Variants in SLIT3 observed in about 807,000 individuals in gnomAD.
The protein encoded by SLIT3 is slit homolog 3 protein.
A neutral mutation model predicts 184.0 loss-of-function variants in SLIT3; 68 were observed. The ratio of observed to expected loss-of-function variants is 0.37; its 90% CI spans 0.30 to 0.45. The LOEUF (loss-of-function observed/expected upper bound fraction) is 0.45, where lower values mean the gene tolerates loss of function less well. SLIT3 is among the 20% of genes least tolerant of loss of function. The pLI is 1.00. For synonymous variants in SLIT3, 831 were observed against 828.6 expected (o/e 1.00, Z -0.05); for missense variants, 1,707 against 2,026.0 (o/e 0.84, Z 3.02).
At chr5:169,154,844 TA>T (rs1762246224) in intron 4 of SLIT3, among the ~76,000 whole-genome samples, 1 of 152,156 alleles carries the variant, frequency 6.6e-6, no homozygotes, top group Admixed American at 6.5e-5. Flanking sequence ...TCAAAGAAAA[TA>T]AGCATGATCA....
rs1761307691 is a variant in SLIT3 at position 168,673,248 on chromosome 5, C to T, written c.3770G>A (p.Gly1257Glu). 6.2e-7 allele frequency: 1 copy of T among 1,614,054 alleles called. No individual in the cohort carries two copies. ...NQTLNLVVDKGTPKSLGKLQK... is the reference protein window; with the variant it reads ...NQTLNLVVDKETPKSLGKLQK... ...GAGCTTCCCCAGGCTCTTTGGAGTT[C>T]CTTTGTCCACTACTAGGTTCAGGGT... The change falls in exon 33 of 36, where the codon GGA (glycine) becomes GAA (glutamate). Residue 1257 changes from glycine (G) to glutamate (E), a missense_variant. Gly to Glu is a moderately conservative substitution (Grantham distance 98). Transcript: ENST00000519560.
intron 1 of SLIT3, among the ~76,000 whole-genome samples, chr5:169,265,625 T>C (rs1254206354): frequency 2.0e-5 from 3 of 152,154 alleles, no homozygotes; most frequent in Non-Finnish European, 2.9e-5. Flanking sequence ...TTTAGGCAGG[T>C]TATTTAACTC....
At chr5:169,007,373 T>C (rs773814889) in intron 4 of SLIT3, among the ~76,000 whole-genome samples, 6 of 152,224 alleles carry the variant, frequency 3.9e-5, no homozygotes, top group Non-Finnish European at 7.3e-5. Context: ...TCATGACTCA[T>C]TGACAATTCC....
chr5:168,856,573 CAA>C (rs1318710959), intron 5 of SLIT3, among the ~76,000 whole-genome samples: 1 of 152,112 alleles, frequency 6.6e-6, no homozygotes, highest in Non-Finnish European at 1.5e-5. Context: ...TCAGTTTAGG[CAA>C]AGAGAATGAG....
In SLIT3 at chr5:168,666,105, T is replaced by TTTG; in HGVS notation, c.*346_*348dup. On this transcript the variant is annotated 3_prime_UTR_variant, in exon 36 of 36. Coordinates refer to ENST00000519560, the MANE Select transcript of SLIT3 (RefSeq NM_003062.4). ...GGCTATCATTCTTTATTCTTATCCT[T>TTTG]TTGTTTTAAAGCATTTTTATTAGTC... The TTTG allele has an allele frequency of 5.9e-6, 1 of 169,772 alleles. No homozygotes were observed. The highest frequency in any genetic ancestry group is 1.2e-5 in the Non-Finnish European group (1 of 80,476). 10.5% of individuals were successfully genotyped at this position (169,772 alleles called of 1,614,324 possible).
chr5:168,900,922 T>C (rs1760844397), intron 4 of SLIT3, among the ~76,000 whole-genome samples: 1 of 152,124 alleles, frequency 6.6e-6, no homozygotes, highest in Non-Finnish European at 1.5e-5. Flanking sequence ...CACATGGACA[T>C]AGAGGAGAAT....
intron 4 of SLIT3, among the ~76,000 whole-genome samples, chr5:168,948,291 A>C (rs551784435): frequency 1.3e-5 from 2 of 152,240 alleles, no homozygotes; most frequent in South Asian, 4.1e-4. Flanking sequence ...AGGGCAACAG[A>C]AGCCCCCACA....
At chr5:168,969,789 C>A (rs75419739) in intron 4 of SLIT3, among the ~76,000 whole-genome samples, 155 of 152,314 alleles carry the variant, frequency 1.0e-3, no homozygotes, top group African/African-American at 3.7e-3. Flanking sequence ...GAACACTTGG[C>A]TCAGGTTCAC....
intron 4 of SLIT3, among the ~76,000 whole-genome samples, chr5:168,916,130 C>A (rs1417306098): frequency 2.6e-5 from 4 of 152,182 alleles, no homozygotes; most frequent in Non-Finnish European, 4.4e-5. Context: ...CCACCACCAC[C>A]ACACAAATAG....
At chr5:169,198,258 G>T (rs747004033) in intron 3 of SLIT3, among the ~76,000 whole-genome samples, 1 of 152,240 alleles carries the variant, frequency 6.6e-6, no homozygotes, top group Non-Finnish European at 1.5e-5. Flanking sequence ...CGAAGGTGTC[G>T]TGGGAACACA....
chr5:168,796,371 A>G (rs1441864285), intron 9 of SLIT3, among the ~76,000 whole-genome samples: 2 of 152,100 alleles, frequency 1.3e-5, no homozygotes, highest in East Asian at 1.9e-4. Flanking sequence ...TCATCTCTCA[A>G]ATGACTTCCT....
intron 7 of SLIT3, among the ~76,000 whole-genome samples, chr5:168,819,718 G>T (rs546310189): frequency 6.6e-6 from 1 of 152,330 alleles, no homozygotes; most frequent in African/African-American, 2.4e-5. Flanking sequence ...TAATAAAAAT[G>T]TCAGAGGTTT....
intron 4 of SLIT3, among the ~76,000 whole-genome samples, chr5:168,884,581 T>TATATATATATATATA (rs1760116903): frequency 7.6e-5 from 10 of 131,580 alleles, no homozygotes; most frequent in East Asian, 2.3e-4. Flanking sequence ...TATATATATA[T>TATATATATATATATA]GAAATTCCAC....
chr5:169,043,831 T>C (rs1757529937), intron 4 of SLIT3, among the ~76,000 whole-genome samples: 1 of 152,186 alleles, frequency 6.6e-6, no homozygotes, highest in South Asian at 2.1e-4. Flanking sequence ...AGGTAGGCCT[T>C]ATAATTAGCA....
At chr5:168,746,687 GGTGGTGTGGGTGTGGTGGTGT>G (rs1561907571) in intron 20 of SLIT3, among the ~76,000 whole-genome samples, 1 of 66,004 alleles carries the variant, frequency 1.5e-5, no homozygotes, top group Non-Finnish European at 2.8e-5. Context: ...GGTGGTGTGT[GGTGGTGTGGGTGTGGTGGTGT>G]GTGGTGTGGG....
intron 3 of SLIT3, among the ~76,000 whole-genome samples, chr5:169,198,456 G>C (rs1763809108): frequency 6.6e-6 from 1 of 152,210 alleles, no homozygotes. Context: ...AAGCAGGCTT[G>C]CACTGCTAGA....
intron 25 of SLIT3, among the ~76,000 whole-genome samples, chr5:168,709,496 G>A (rs999512214): frequency 3.3e-5 from 5 of 152,212 alleles, no homozygotes; most frequent in African/African-American, 1.2e-4. Context: ...AATTTTAAAA[G>A]CTCCTGTATG....
At chr5:168,862,052 C>A (rs1279891039) in intron 5 of SLIT3, among the ~76,000 whole-genome samples, 1 of 152,168 alleles carries the variant, frequency 6.6e-6, no homozygotes, top group East Asian at 1.9e-4. Flanking sequence ...ATTTCTGAAG[C>A]AGAGCTAAAG....
chr5:169,221,627 A>G (rs1404408858), intron 3 of SLIT3, among the ~76,000 whole-genome samples: 1 of 152,080 alleles, frequency 6.6e-6, no homozygotes, highest in Admixed American at 6.5e-5. Flanking sequence ...GGTGGTCACT[A>G]CCCCAGCTCC....
Sources: gnomAD v4.1 joint callset for allele counts (sites outside exome capture counted in the v4.1 genomes callset) on GRCh38, gnomAD v4.1.1 for gene constraint, MANE v1.5 for transcripts, NCBI Gene and HGNC (gene_info 2026-07-23, HGNC 2026-07-21) for gene names.